SLC25A30: variants seen among roughly 807,000 people sequenced by gnomAD.
SLC25A30 encodes kidney mitochondrial carrier protein 1.
Under a neutral mutation model 42.7 loss-of-function variants are expected in SLC25A30, and 29 were observed. The ratio of observed to expected loss-of-function variants is 0.68; its 90% CI spans 0.51 to 0.93. SLC25A30 has a LOEUF of 0.93. Ranked by LOEUF, SLC25A30 falls within the 40% of genes least tolerant of loss-of-function variation. The probability of loss-of-function intolerance (pLI) is 0.00; values close to 1 mark genes in which losing one functional copy is unlikely to be tolerated. For missense variants in SLC25A30, 300 were observed against 359.7 expected (o/e 0.83, Z 1.34); for synonymous variants, 124 against 131.0 (o/e 0.95, Z 0.37).
the SLC25A30 span, among the ~76,000 whole-genome samples, chr13:45,427,564 G>A: frequency 2.0e-5 from 3 of 152,040 alleles, no homozygotes; most frequent in African/African-American, 7.2e-5. Flanking sequence ...CACTCAAGAA[G>A]AGGATATATA....
chr13:45,416,094 G>A (rs914912501), intron 1 of SLC25A30, among the ~76,000 whole-genome samples: 3 of 149,832 alleles, frequency 2.0e-5, no homozygotes, highest in African/African-American at 4.9e-5. Context: ...CACGGCGCCC[G>A]GTCCAAATTT....
At chr13:45,424,120 T>C in the SLC25A30 span, among the ~76,000 whole-genome samples, 1 of 99,752 alleles carries the variant, frequency 1.0e-5, no homozygotes, top group Non-Finnish European at 1.7e-5. Flanking sequence ...TATATAAATA[T>C]ATATAAATAT....
At chr13:45,423,232 C>T (rs1474484490), upstream of SLC25A30, among the ~76,000 whole-genome samples, 1 of 151,874 alleles carries the variant, frequency 6.6e-6, no homozygotes, top group African/African-American at 2.4e-5. Flanking sequence ...TGTCCCTTCC[C>T]ATTGATATTA....
intron 3 of SLC25A30, among the ~76,000 whole-genome samples, chr13:45,407,170 G>A (rs1882590914): frequency 6.6e-6 from 1 of 152,156 alleles, no homozygotes; most frequent in Admixed American, 6.5e-5. Context: ...GGCCGAGACG[G>A]GTGGATCACT....
rs1336299944 is a variant in SLC25A30, at chr13:45,402,786, G to A, written c.394-416C>T. 3.2e-4 allele frequency: 312 copies of A among 985,296 alleles called. 2 individuals carry two copies. The highest frequency in any genetic ancestry group is 3.7e-4 in the Non-Finnish European group (303 of 829,926). The allele number at this position is 985,296 out of a possible 1,614,324, so 61.0% of individuals were successfully genotyped here. On this transcript the variant is annotated intron_variant, in intron 5 of 9. Coordinates refer to ENST00000519676, the MANE Select transcript of SLC25A30 (RefSeq NM_001010875.4). ...GCAGCACGAAGCACAGGCAAGCATA[G>A]TTCTTAAATTAGCTGCTCCAAGCCA...
the SLC25A30 span, among the ~76,000 whole-genome samples, chr13:45,425,513 T>C: frequency 9.0e-6 from 1 of 110,564 alleles, no homozygotes; most frequent in Non-Finnish European, 1.7e-5. Context: ...GAAATATATA[T>C]AAGCATATAT....
chr13:45,424,778 AT>A, the SLC25A30 span, among the ~76,000 whole-genome samples: 1 of 63,736 alleles, frequency 1.6e-5, no homozygotes, highest in Non-Finnish European at 3.0e-5. Flanking sequence ...ATATATATAT[AT>A]AAATATATAA....
At chr13:45,427,903 C>T in the SLC25A30 span, among the ~76,000 whole-genome samples, 8 of 151,910 alleles carry the variant, frequency 5.3e-5, no homozygotes, top group Admixed American at 2.0e-4. Flanking sequence ...GTCACCACTC[C>T]GGATAATTTT....
Position 45,393,775 on chromosome 13 carries a change from T to C in SLC25A30, c.*2199A>G. ...CCTGTTCAATAAGGCACTTAATAAG[T>C]CTACACTGAAGAAATACTATGCTTT... On this transcript the variant is annotated 3_prime_UTR_variant, in exon 10 of 10. Coordinates refer to ENST00000519676, the MANE Select transcript of SLC25A30 (RefSeq NM_001010875.4). 1.0e-6 allele frequency: 1 copy of C among 985,446 alleles called. No homozygotes were observed. Among genetic ancestry groups the C allele is most frequent in the Admixed American group, 6.1e-5 (1 of 16,284 alleles). 61.0% of individuals were successfully genotyped at this position (985,446 alleles called of 1,614,324 possible).
Position 45,401,196 on chromosome 13 carries a change from A to G in SLC25A30, c.501T>C (p.Leu167=), listed in dbSNP as rs776948132. 28 of 1,613,880 alleles carry G rather than the reference A, an allele frequency of 1.7e-5. No homozygotes were observed. The Admixed American group carries it at 4.5e-4, about 26-fold the overall frequency. The part of the protein sequence containing the change: ...GTRGLWKGVS[L]TAQRAAIVVG... ...CAACAATAGCAGCCCTCTGCGCAGT[A>G]AGGGACACACCCTGGGTAAAAATAT... Residue 167 remains leucine, a synonymous_variant, in exon 7 of 10, where the codon CTT becomes CTC. Transcript: ENST00000519676.
chr13:45,432,140 C>A, the SLC25A30 span, among the ~76,000 whole-genome samples: 1 of 151,670 alleles, frequency 6.6e-6, no homozygotes, highest in African/African-American at 2.4e-5. Flanking sequence ...CATGGTAGTG[C>A]GCACCTGTAA....
At chr13:45,430,902 TTCTC>T in the SLC25A30 span, among the ~76,000 whole-genome samples, 1 of 152,140 alleles carries the variant, frequency 6.6e-6, no homozygotes, top group Admixed American at 6.5e-5. Context: ...GCCCTTCTCA[TTCTC>T]TCTATGAATC....
Position 45,394,507 on chromosome 13 carries a change from G to A in SLC25A30, c.*1467C>T. ...GAGCCCCAGCTAACATGTATTTAAT[G>A]TTGTTCTCAAAGGGGGAACTGAAGA... On this transcript the variant is annotated 3_prime_UTR_variant, in exon 10 of 10. Transcript: ENST00000519676. 1.0e-6 allele frequency: 1 copy of A among 985,384 alleles called. No homozygotes were observed. The highest frequency in any genetic ancestry group is 1.2e-6 in the Non-Finnish European group (1 of 829,946). The allele number at this position is 985,384 out of a possible 1,614,324, so 61.0% of individuals were successfully genotyped here. A position where few individuals can be genotyped will look rare whatever the true frequency, so the allele number is the denominator to read the frequency against.
At chr13:45,404,228 A>T in intron 5 of SLC25A30, 99 bp downstream of exon 5, 1 of 852,376 alleles carries the variant, frequency 1.2e-6, no homozygotes, top group Non-Finnish European at 2.0e-6. Context: ...ACAGATTCAC[A>T]TATACACAGA....
intron 2 of SLC25A30, among the ~76,000 whole-genome samples, chr13:45,409,749 C>T (rs1235658828): frequency 6.6e-6 from 1 of 152,146 alleles, no homozygotes; most frequent in Non-Finnish European, 1.5e-5. Flanking sequence ...GCAGAGGTTG[C>T]AGTGAGCCGA....
At chr13:45,427,407 C>A in the SLC25A30 span, among the ~76,000 whole-genome samples, 1 of 151,984 alleles carries the variant, frequency 6.6e-6, no homozygotes, top group Non-Finnish European at 1.5e-5. Flanking sequence ...GGTCCATACA[C>A]CTGGATAGAC....
At chr13:45,430,642 C>G in the SLC25A30 span, among the ~76,000 whole-genome samples, 2 of 151,614 alleles carry the variant, frequency 1.3e-5, no homozygotes, top group Non-Finnish European at 2.9e-5. Context: ...TCCATCTGTA[C>G]CAAAAAAAAT....
At chr13:45,411,065 G>A (rs113215430) in intron 2 of SLC25A30, among the ~76,000 whole-genome samples, 22,333 of 151,416 alleles carry the variant, frequency 0.15, 1,884 homozygotes, top group African/African-American at 0.22. Flanking sequence ...TCTGCCTCCC[G>A]AGTAGCGGGG....
Position 45,393,676 on chromosome 13 carries a change from T to G in SLC25A30, c.*2298A>C, listed in dbSNP as rs956129556. 4.1e-6 allele frequency: 4 copies of G among 985,460 alleles called. No individual in the cohort carries two copies. Among genetic ancestry groups the G allele is most frequent in the Non-Finnish European group, 4.8e-6 (4 of 829,932 alleles). The allele number at this position is 985,460 out of a possible 1,614,324, so 61.0% of individuals were successfully genotyped here. Reference sequence around the variant, plus strand: ...GAGGGGACCAAGTCTCCCAATTCCTTAAGTTGTTTCTTGGTTAGAAGCTTC... The same window carrying G: ...GAGGGGACCAAGTCTCCCAATTCCTGAAGTTGTTTCTTGGTTAGAAGCTTC... On this transcript the variant is annotated 3_prime_UTR_variant, in exon 10 of 10. Transcript: ENST00000519676.
Sources: gnomAD v4.1 joint callset for allele counts (sites outside exome capture counted in the v4.1 genomes callset) on GRCh38, gnomAD v4.1.1 for gene constraint, MANE v1.5 for transcripts, NCBI Gene and HGNC (gene_info 2026-07-23, HGNC 2026-07-21) for gene names.